The following UBFD1 variants were observed in gnomAD, a reference collection of about 807,000 sequenced individuals.
The protein encoded by UBFD1 is ubiquitin family domain containing 1, also known as ubiquitin domain-containing protein UBFD1.
UBFD1 carries 12 observed loss-of-function variants against 35.1 expected under a neutral mutation model. That is an observed-to-expected ratio of 0.34 (90% CI 0.22 to 0.55). The LOEUF (loss-of-function observed/expected upper bound fraction) is 0.55. Among genes scored for constraint, UBFD1 ranks in the 20% least tolerant of loss-of-function variants. UBFD1 has a pLI of 0.89. For missense variants in UBFD1, 337 were observed against 410.8 expected, an observed-to-expected ratio of 0.82 and a Z score of 1.55; for synonymous variants, 178 against 167.6, an observed-to-expected ratio of 1.06 and a Z score of -0.48.
At chr16:23,570,264 C>G (rs1406301870) in intron 6 of UBFD1, among the ~76,000 whole-genome samples, 1 of 152,180 alleles carries the variant, frequency 6.6e-6, no homozygotes, top group Non-Finnish European at 1.5e-5. Context: ...GATGACCACT[C>G]AGGTTTGAGA....
intron 6 of UBFD1, chr16:23,569,506 G>A (rs1966055281): frequency 6.6e-6 from 1 of 152,158 alleles, no homozygotes; most frequent in South Asian, 2.1e-4. Context: ...AGTGAGCTGA[G>A]ATTGCACCGC....
chr16:23,562,322 C>CT (rs1321632363), intron 4 of UBFD1, 51 bp downstream of exon 4: 1 of 1,552,606 alleles, frequency 6.4e-7, no homozygotes, highest in Non-Finnish European at 8.9e-7. Flanking sequence ...GCCCCACCGT[C>CT]TGACTTGAGG....
chr16:23,567,386 G>A (rs893515652), intron 6 of UBFD1, among the ~76,000 whole-genome samples: 1 of 152,200 alleles, frequency 6.6e-6, no homozygotes, highest in Non-Finnish European at 1.5e-5. Context: ...TAAATATAAA[G>A]AGGAGGAATG....
chr16:23,562,071 AG>A, intron 3 of UBFD1, 134 bp from the exon 4 acceptor site: 1 of 745,494 alleles, frequency 1.3e-6, no homozygotes, highest in Non-Finnish European at 2.2e-6. Flanking sequence ...ATAGTTTCAA[AG>A]GATCCATAGT....
At position 23,558,070 on chromosome 16, in the gene UBFD1, C is replaced by T. The variant is rs1597034453; in HGVS notation, c.146C>T (p.Ala49Val). Residue 49 changes from alanine to valine, a missense_variant, in exon 2 of 7, where the codon GCC becomes GTC. Ala to Val is a moderately conservative substitution (Grantham distance 64). Coordinates refer to ENST00000395878, the MANE Select transcript of UBFD1 (RefSeq NM_019116.3). ...AAGAAAEDSG[A>V]ARGSLQPAPA... Reference sequence around the variant, plus strand: ...GGGGCGGCGGCCGAGGACTCCGGCGCCGCACGAGGCAGCCTGCAGCCGGCC... The same window carrying T: ...GGGGCGGCGGCCGAGGACTCCGGCGTCGCACGAGGCAGCCTGCAGCCGGCC... The T allele has an allele frequency of 7.1e-7, 1 of 1,412,566 alleles. No homozygotes were observed. The highest frequency in any genetic ancestry group is 9.2e-7 in the Non-Finnish European group (1 of 1,087,768). The allele number at this position is 1,412,566 out of a possible 1,614,324, so 87.5% of individuals were successfully genotyped here. A position where few individuals can be genotyped will look rare whatever the true frequency, so the allele number is the denominator to read the frequency against.
chr16:23,563,312 C>T (rs1441103332), intron 5 of UBFD1, among the ~76,000 whole-genome samples: 1 of 152,096 alleles, frequency 6.6e-6, no homozygotes, highest in Non-Finnish European at 1.5e-5. Flanking sequence ...CTAACCGCTG[C>T]CGAGGAATCT....
intron 5 of UBFD1, chr16:23,565,361 C>T (rs1007663186): frequency 6.6e-6 from 1 of 152,184 alleles, no homozygotes; most frequent in Non-Finnish European, 1.5e-5. Context: ...AACCGGAAGC[C>T]GCTGGAGGAG....
chr16:23,568,456 C>T (rs1185536608), intron 6 of UBFD1, among the ~76,000 whole-genome samples: 1 of 151,594 alleles, frequency 6.6e-6, no homozygotes, highest in Non-Finnish European at 1.5e-5. Context: ...CCATGCCCAG[C>T]CCTCTCTCTG....
At chr16:23,558,371 C>T in intron 2 of UBFD1, 92 bp downstream of exon 2, 2 of 1,461,490 alleles carry the variant, frequency 1.4e-6, no homozygotes, top group Non-Finnish European at 9.2e-7. Context: ...TTCCTTGCAT[C>T]AGGTCCCCCC....
In UBFD1 at chr16:23,558,134, G is replaced by C. The variant is rs1370081309; in HGVS notation, c.210G>C (p.Ser70=). 2 of 1,602,512 alleles carry C rather than the reference G, an allele frequency of 1.2e-6. No individual in the cohort carries two copies. Among genetic ancestry groups the C allele is most frequent in the Non-Finnish European group, 1.7e-6 (2 of 1,175,616 alleles). ...QPPGDPAAQA[S]VSNGEDAGGG... The stretch of plus-strand genomic sequence containing the variant: ...CTGGGGACCCCGCAGCCCAGGCCTC[G>C]GTCAGCAACGGCGAAGACGCGGGCG... The change falls in exon 2 of 7, where the codon TCG becomes TCC. Residue 70 remains serine (S), a synonymous_variant. Transcript: ENST00000395878.
Position 23,558,460 on chromosome 16 carries a change from G to GT in UBFD1, c.355+182dup, listed in dbSNP as rs1238977339. Among the ~76,000 whole-genome samples the GT allele has an allele frequency of 9.2e-5, 14 of 152,326 alleles. No individual in the cohort carries two copies. In the East Asian group the frequency reaches 2.3e-3, roughly 25 times the overall value. On this transcript the variant is annotated intron_variant, in intron 2 of 6. Coordinates refer to ENST00000395878, the MANE Select transcript of UBFD1 (RefSeq NM_019116.3). ...AAAGAGACTCAAGTTTATAGAGCTA[G>GT]TAAGTTGCAGAGCTGGGATTAAAGC...
In UBFD1 at chr16:23,571,238, C is replaced by CGCCG. The variant is rs1966080333; in HGVS notation, c.*649_*652dup. 6.6e-6 allele frequency: 1 copy of CGCCG among 152,670 alleles called. No individual in the cohort carries two copies. Among genetic ancestry groups the CGCCG allele is most frequent in the Non-Finnish European group, 1.5e-5 (1 of 68,066 alleles). The allele number at this position is 152,670 out of a possible 1,614,324, so 9.5% of individuals were successfully genotyped here. On this transcript the variant is annotated 3_prime_UTR_variant, in exon 7 of 7. Transcript: ENST00000395878. Reference sequence around the variant, plus strand: ...ACGCTTCCTTTCCTGGGCTCCCTCCCGCCGTGCTGCTGCTGCCTGTGAACG... The same window carrying CGCCG: ...ACGCTTCCTTTCCTGGGCTCCCTCCCGCCGGCCGTGCTGCTGCTGCCTGTGAACG...
intron 2 of UBFD1, 121 bp downstream of exon 2, chr16:23,558,400 T>C (rs1597035163): frequency 8.0e-7 from 1 of 1,242,822 alleles, no homozygotes. Context: ...AGCAGTCTTC[T>C]GAAGGATACT....
At chr16:23,562,401 AC>A in intron 4 of UBFD1, 130 bp downstream of exon 4, 2 of 925,414 alleles carry the variant, frequency 2.2e-6, no homozygotes, top group Non-Finnish European at 3.2e-6. Context: ...TTGCTCTGTC[AC>A]CCAGGCTGGG....
chr16:23,566,710 T>C, intron 5 of UBFD1: 1 of 306,810 alleles, frequency 3.3e-6, no homozygotes. Flanking sequence ...TTTTAAAAAA[T>C]AATCCCAGGG....
In UBFD1 at chr16:23,571,225, C is replaced by G. The variant is rs189703203; in HGVS notation, c.*635C>G. The G allele has an allele frequency of 3.8e-4, 58 of 152,786 alleles. No homozygotes were observed. The highest frequency in any genetic ancestry group is 1.4e-3 in the African/African-American group (58 of 41,564). The allele number at this position is 152,786 out of a possible 1,614,324, so 9.5% of individuals were successfully genotyped here. On this transcript the variant is annotated 3_prime_UTR_variant, in exon 7 of 7. Coordinates refer to ENST00000395878, the MANE Select transcript of UBFD1 (RefSeq NM_019116.3). ...TGGTACCTCATCAACGCTTCCTTTC[C>G]TGGGCTCCCTCCCGCCGTGCTGCTG...
intron 2 of UBFD1, among the ~76,000 whole-genome samples, chr16:23,558,629 A>G (rs1337585174): frequency 6.6e-6 from 1 of 152,134 alleles, no homozygotes; most frequent in Non-Finnish European, 1.5e-5. Context: ...GTAGCCAGGA[A>G]TTTATTTTTA....
chr16:23,568,121 C>G (rs1777372738), intron 6 of UBFD1, among the ~76,000 whole-genome samples: 2 of 151,424 alleles, frequency 1.3e-5, no homozygotes, highest in African/African-American at 4.9e-5. Flanking sequence ...TGATGATGCC[C>G]CTTGGCAGCC....
At chr16:23,559,845 T>G in intron 3 of UBFD1, 169 bp downstream of exon 3, 5 of 1,537,468 alleles carry the variant, frequency 3.3e-6, no homozygotes, top group Non-Finnish European at 4.4e-6. Flanking sequence ...TACCTGAGAT[T>G]TGCAACTTTG....
Sources: gnomAD v4.1 joint callset for allele counts (sites outside exome capture counted in the v4.1 genomes callset) on GRCh38, gnomAD v4.1.1 for gene constraint, MANE v1.5 for transcripts, NCBI Gene and HGNC (gene_info 2026-07-23, HGNC 2026-07-21) for gene names.